Variants in TPRG1 observed in about 807,000 individuals in gnomAD.
TPRG1 encodes the protein tumor protein p63-regulated gene 1 protein.
In TPRG1, 29 loss-of-function variants were observed where a neutral mutation model predicts 29.3. That is an observed-to-expected ratio of 0.99 (90% confidence interval 0.74 to 1.35). The LOEUF is 1.35. TPRG1 is among the 40% of genes most tolerant of loss of function. TPRG1 has a pLI of 0.00. For synonymous variants in TPRG1, 130 were observed against 116.8 expected, an observed-to-expected ratio of 1.11 and a Z score of -0.73; for missense variants, 327 against 335.0, an observed-to-expected ratio of 0.98 and a Z score of 0.19.
chr3:189,015,556 G>A (rs535523665), intron 3 of TPRG1, among the ~76,000 whole-genome samples: 14 of 152,276 alleles, frequency 9.2e-5, no homozygotes, highest in African/African-American at 2.6e-4. Flanking sequence ...ACAGACCTTC[G>A]TGACAGCCCC....
intron 1 of TPRG1, among the ~76,000 whole-genome samples, chr3:189,204,057 A>AC (rs906866258): frequency 2.0e-5 from 3 of 151,574 alleles, no homozygotes; most frequent in Non-Finnish European, 2.9e-5. Context: ...AAAAAAAAAA[A>AC]AAAAACTGAA....
intron 3 of TPRG1, among the ~76,000 whole-genome samples, chr3:189,145,354 C>T (rs1397906812): frequency 4.2e-5 from 3 of 71,518 alleles, no homozygotes; most frequent in African/African-American, 1.4e-4. Flanking sequence ...GAGGGAGACT[C>T]CATCTAAAAA....
chr3:189,292,111 T>G (rs1354303935), intron 4 of TPRG1, among the ~76,000 whole-genome samples: 3 of 152,254 alleles, frequency 2.0e-5, no homozygotes, highest in African/African-American at 7.2e-5. Context: ...TCTTCTGTGT[T>G]ATTTCTTGAT....
chr3:189,067,913 T>C (rs1716558442), intron 4 of TPRG1, among the ~76,000 whole-genome samples: 1 of 152,172 alleles, frequency 6.6e-6, no homozygotes, highest in Non-Finnish European at 1.5e-5. Flanking sequence ...ATTTGCAATC[T>C]ATCTGGCTGA....
chr3:189,219,613 A>T, intron 3 of TPRG1: 27 of 1,289,232 alleles, frequency 2.1e-5, no homozygotes, highest in Non-Finnish European at 2.7e-5. Flanking sequence ...TTGACACTTT[A>T]TGGAATTTCA....
intron 4 of TPRG1, among the ~76,000 whole-genome samples, chr3:189,079,706 T>C (rs1717456198): frequency 6.6e-6 from 1 of 152,212 alleles, no homozygotes; most frequent in Non-Finnish European, 1.5e-5. Context: ...ATCCCAGTAG[T>C]ACAACATGCA....
chr3:189,164,977 C>T (rs1305878168), intron 5 of TPRG1, among the ~76,000 whole-genome samples: 1 of 152,122 alleles, frequency 6.6e-6, no homozygotes, highest in Non-Finnish European at 1.5e-5. Flanking sequence ...AAAACCTCCA[C>T]GATTTCTCTT....
At chr3:189,012,418 A>G (rs1344939411) in intron 3 of TPRG1, among the ~76,000 whole-genome samples, 2 of 152,090 alleles carry the variant, frequency 1.3e-5, no homozygotes, top group African/African-American at 2.4e-5. Flanking sequence ...TATGTGATGA[A>G]TTATGTTTAT....
intron 1 of TPRG1, among the ~76,000 whole-genome samples, chr3:189,108,440 T>C (rs541035785): frequency 1.5e-3 from 234 of 152,086 alleles, no homozygotes; most frequent in Non-Finnish European, 3.0e-3. Context: ...AAAAGGAAAA[T>C]GTGTAGTATG....
At chr3:189,265,314 T>A (rs1242312766) in intron 4 of TPRG1, among the ~76,000 whole-genome samples, 3 of 152,180 alleles carry the variant, frequency 2.0e-5, no homozygotes, top group Admixed American at 2.0e-4. Flanking sequence ...TCCTTCCACT[T>A]AGGCAAGAAG....
chr3:189,048,744 A>G (rs189520512), intron 4 of TPRG1, among the ~76,000 whole-genome samples: 94 of 152,298 alleles, frequency 6.2e-4, no homozygotes, highest in Admixed American at 1.2e-3. Flanking sequence ...AGCAATCTCA[A>G]GAGGACCCAC....
chr3:189,234,828 C>T (rs1739205759), intron 3 of TPRG1, among the ~76,000 whole-genome samples: 1 of 152,006 alleles, frequency 6.6e-6, no homozygotes. Context: ...AAGGTAAGTA[C>T]CATAAGTGGG....
chr3:189,273,200 A>G (rs1715524201), intron 4 of TPRG1, among the ~76,000 whole-genome samples: 1 of 152,224 alleles, frequency 6.6e-6, no homozygotes, highest in African/African-American at 2.4e-5. Context: ...TATTAATTCA[A>G]CTACTATTTA....
intron 5 of TPRG1, among the ~76,000 whole-genome samples, chr3:189,151,877 T>C (rs1340946083): frequency 6.6e-6 from 1 of 151,934 alleles, no homozygotes; most frequent in Admixed American, 6.6e-5. Flanking sequence ...CATGACTCCA[T>C]CTTACAAAAA....
chr3:189,243,555 T>C (rs973445816), intron 4 of TPRG1, among the ~76,000 whole-genome samples: 7 of 152,162 alleles, frequency 4.6e-5, no homozygotes, highest in Admixed American at 2.0e-4. Context: ...CTTTTTTTTT[T>C]CCTACCATAT....
intron 3 of TPRG1, among the ~76,000 whole-genome samples, chr3:189,140,955 A>T (rs1381597880): frequency 6.6e-6 from 1 of 152,298 alleles, no homozygotes; most frequent in East Asian, 1.9e-4. Context: ...ACCAGGTCCT[A>T]CCTGGTGATG....
intron 3 of TPRG1, chr3:189,219,562 T>A (rs1455846153): frequency 7.9e-7 from 1 of 1,259,918 alleles, no homozygotes; most frequent in African/African-American, 1.6e-5. Flanking sequence ...ATGTGTTTGC[T>A]TTTAGAACGG....
chr3:189,275,125 C>T (rs966146287), intron 4 of TPRG1, among the ~76,000 whole-genome samples: 2 of 152,038 alleles, frequency 1.3e-5, no homozygotes, highest in African/African-American at 4.8e-5. Flanking sequence ...AGTCTGAGGC[C>T]TTTTTCTTTT....
In TPRG1 at chr3:189,324,603, G is replaced by C. The variant is rs2108511725; in HGVS notation, c.*3783G>C. On this transcript the variant is annotated 3_prime_UTR_variant, in exon 6 of 6. Transcript: ENST00000345063. ...AAAGCTGCGGAAGCTGGCAGAGCCA[G>C]CAGATATTTTGTAAGGCAGCTTCAC... 1 of 152,300 alleles carries C rather than the reference G, an allele frequency of 6.6e-6. No homozygotes were observed. The highest frequency in any genetic ancestry group is 1.9e-4 in the East Asian group (1 of 5,180). The allele number at this position is 152,300 out of a possible 1,614,324, so 9.4% of individuals were successfully genotyped here. A position where few individuals can be genotyped will look rare whatever the true frequency, so the allele number is the denominator to read the frequency against.
Sources: allele counts gnomAD v4.1 joint callset (sites outside exome capture counted in the v4.1 genomes callset), GRCh38; gene constraint gnomAD v4.1.1; transcripts MANE v1.5; gene names NCBI Gene and HGNC (gene_info 2026-07-23, HGNC 2026-07-21).